VWC2: variants seen among roughly 807,000 people sequenced by gnomAD.
VWC2 encodes the protein brorin.
VWC2 carries 14 observed loss-of-function variants against 29.8 expected under a neutral mutation model. The ratio of observed to expected loss-of-function variants is 0.47; its 90% CI spans 0.31 to 0.74. The LOEUF (loss-of-function observed/expected upper bound fraction) is 0.74. Ranked by LOEUF, VWC2 falls within the 30% of genes least tolerant of loss-of-function variation. VWC2 has a pLI of 0.05. For missense variants in VWC2, 457 were observed against 459.8 expected, an observed-to-expected ratio of 0.99 and a Z score of 0.05; for synonymous variants, 213 against 199.0, an observed-to-expected ratio of 1.07 and a Z score of -0.59.
At chr7:49,872,007 G>A (rs1791180305) in intron 3 of VWC2, among the ~76,000 whole-genome samples, 1 of 140,754 alleles carries the variant, frequency 7.1e-6, no homozygotes, top group Non-Finnish European at 1.5e-5. Flanking sequence ...GGGGAGACAA[G>A]AAAGAATGAT....
chr7:49,835,391 G>C (rs1349047925), intron 3 of VWC2, among the ~76,000 whole-genome samples: 1 of 152,192 alleles, frequency 6.6e-6, no homozygotes, highest in African/African-American at 2.4e-5. Context: ...GTGGGCTTGG[G>C]TGCAAATTTT....
chr7:49,852,021 G>T (rs945848231), intron 3 of VWC2, among the ~76,000 whole-genome samples: 3 of 152,150 alleles, frequency 2.0e-5, no homozygotes, highest in African/African-American at 4.8e-5. Context: ...TGTCAGCCTA[G>T]GGTCCGGATT....
intron 3 of VWC2, among the ~76,000 whole-genome samples, chr7:49,854,764 T>C (rs1161595719): frequency 1.3e-5 from 2 of 152,254 alleles, no homozygotes; most frequent in East Asian, 3.8e-4. Flanking sequence ...TTGCTTTTGG[T>C]GTTTTAGACA....
At chr7:49,849,460 G>A (rs777712765) in intron 3 of VWC2, among the ~76,000 whole-genome samples, 20 of 152,286 alleles carry the variant, frequency 1.3e-4, no homozygotes, top group African/African-American at 4.6e-4. Flanking sequence ...AAGGGTCCTC[G>A]CGGGTCTCTG....
intron 3 of VWC2, among the ~76,000 whole-genome samples, chr7:49,856,502 C>T (rs1337172586): frequency 6.6e-6 from 1 of 152,136 alleles, no homozygotes; most frequent in Non-Finnish European, 1.5e-5. Flanking sequence ...TAAAAATTAC[C>T]CTTTATAACA....
chr7:49,777,421 G>T lies in VWC2; in HGVS notation c.696+1290G>T, dbSNP rs191812822. ...ATAGTGTACAAAGTATGGAAAGAGT[G>T]CTGGAATTTAGAGTCAGGAAACATG... On this transcript the variant is annotated intron_variant, in intron 2 of 3. Transcript: ENST00000340652. Among the ~76,000 whole-genome samples the T allele has an allele frequency of 3.3e-3, 505 of 152,272 alleles. 20 individuals are homozygous for T. The highest frequency in any genetic ancestry group is 0.032 in the Admixed American group (497 of 15,298).
intron 3 of VWC2, among the ~76,000 whole-genome samples, chr7:49,866,202 G>A (rs1790884580): frequency 1.3e-5 from 2 of 152,146 alleles, no homozygotes; most frequent in South Asian, 4.1e-4. Context: ...ATCAGACCCA[G>A]CTGGGAGAAC....
Position 49,883,119 on chromosome 7 carries a change from T to C in VWC2, c.827-28915T>C, listed in dbSNP as rs549400724. ...CCAGAGATTTCCCAAAAGAAACAAC[T>C]TTGAGGGGAAATGAGGAGGAAGGCG... On this transcript the variant is annotated intron_variant, in intron 3 of 3. Transcript: ENST00000340652. Among the ~76,000 whole-genome samples, 4 of 152,026 alleles carry C rather than the reference T, an allele frequency of 2.6e-5. No individual in the cohort carries two copies. The East Asian group carries it at 7.7e-4, about 29-fold the overall frequency.
chr7:49,814,884 T>C (rs1307515954), intron 3 of VWC2, among the ~76,000 whole-genome samples: 3 of 152,326 alleles, frequency 2.0e-5, no homozygotes, highest in Non-Finnish European at 4.4e-5. Context: ...CAGAGGTCCT[T>C]GTGGGAACTT....
At chr7:49,841,060 G>A (rs903495865) in intron 3 of VWC2, among the ~76,000 whole-genome samples, 73 of 152,330 alleles carry the variant, frequency 4.8e-4, no homozygotes, top group African/African-American at 1.4e-3. Flanking sequence ...GTCTTATTTG[G>A]ATTCCAGAGG....
intron 2 of VWC2, among the ~76,000 whole-genome samples, chr7:49,792,385 C>T (rs913201339): frequency 6.6e-6 from 1 of 152,194 alleles, no homozygotes; most frequent in African/African-American, 2.4e-5. Flanking sequence ...GCTTGATTAT[C>T]CTCTCCCGCT....
chr7:49,905,327 C>G (rs1452155023), intron 3 of VWC2, among the ~76,000 whole-genome samples: 1 of 152,194 alleles, frequency 6.6e-6, no homozygotes, highest in East Asian at 1.9e-4. Context: ...TCCACCACAG[C>G]AGCCACTGCT....
intron 3 of VWC2, among the ~76,000 whole-genome samples, chr7:49,870,706 G>A (rs1409340087): frequency 6.6e-6 from 1 of 152,186 alleles, no homozygotes; most frequent in Non-Finnish European, 1.5e-5. Context: ...ACGTTATCAT[G>A]AGTAGACAAC....
At chr7:49,778,181 C>G (rs1370284783) in intron 2 of VWC2, among the ~76,000 whole-genome samples, 3 of 151,900 alleles carry the variant, frequency 2.0e-5, no homozygotes, top group Non-Finnish European at 4.4e-5. Context: ...GGAGAGGGAT[C>G]TCTCATTTAA....
intron 2 of VWC2, among the ~76,000 whole-genome samples, chr7:49,796,748 T>A (rs1266533388): frequency 6.6e-6 from 1 of 152,186 alleles, no homozygotes. Context: ...ATAATCACAG[T>A]TATGAAATTA....
intron 3 of VWC2, among the ~76,000 whole-genome samples, chr7:49,871,406 G>A (rs376657891): frequency 6.6e-6 from 1 of 152,124 alleles, no homozygotes; most frequent in Non-Finnish European, 1.5e-5. Flanking sequence ...AAATTATGGT[G>A]AAAACTCATC....
intron 2 of VWC2, among the ~76,000 whole-genome samples, chr7:49,782,408 C>T (rs6964895): frequency 6.6e-6 from 1 of 152,234 alleles, no homozygotes; most frequent in East Asian, 1.9e-4. Context: ...GTCCTTTCCT[C>T]TTCAGTTTTG....
chr7:49,789,312 T>A (rs1788408164), intron 2 of VWC2, among the ~76,000 whole-genome samples: 2 of 106,724 alleles, frequency 1.9e-5, no homozygotes, highest in Non-Finnish European at 3.9e-5. Context: ...TGTGTGAGTG[T>A]GGGTGTAGGT....
intron 3 of VWC2, among the ~76,000 whole-genome samples, chr7:49,821,071 G>T (rs2128709462): frequency 6.6e-6 from 1 of 152,022 alleles, no homozygotes; most frequent in East Asian, 1.9e-4. Flanking sequence ...CACAACAAAA[G>T]TAACTAACTC....
Sources: gnomAD v4.1 joint callset for allele counts (sites outside exome capture counted in the v4.1 genomes callset) on GRCh38, gnomAD v4.1.1 for gene constraint, MANE v1.5 for transcripts, NCBI Gene and HGNC (gene_info 2026-07-23, HGNC 2026-07-21) for gene names.